Variants in SIGLEC5 observed in about 807,000 individuals in gnomAD.
The protein encoded by SIGLEC5 is sialic acid binding Ig like lectin 5, also known as sialic acid-binding Ig-like lectin 5.
A neutral mutation model predicts 45.9 loss-of-function variants in SIGLEC5; 34 were observed. The observed-to-expected ratio is 0.74, with a 90% CI of 0.56 to 0.99. SIGLEC5 has a LOEUF of 0.99. Ranked by LOEUF, SIGLEC5 falls within the 50% of genes least tolerant of loss-of-function variation. The pLI, the probability that SIGLEC5 is intolerant of heterozygous loss-of-function variation, is 0.00. For missense variants in SIGLEC5, 508 were observed against 629.6 expected (o/e 0.81, Z 2.07); for synonymous variants, 203 against 258.6 (o/e 0.79, Z 2.06).
intron 4 of SIGLEC5, among the ~76,000 whole-genome samples, chr19:51,628,750 A>ATG (rs1005999103): frequency 2.3e-5 from 3 of 129,714 alleles, no homozygotes; most frequent in Admixed American, 8.2e-5. Flanking sequence ...GCCTGTGTGC[A>ATG]TGTGTGTGTG....
chr19:51,614,512 G>C (rs1029130603), intron 8 of SIGLEC5, among the ~76,000 whole-genome samples: 1 of 152,098 alleles, frequency 6.6e-6, no homozygotes, highest in Non-Finnish European at 1.5e-5. Context: ...TTTCTGGAGA[G>C]AGCTGCTTAT....
At chr19:51,619,398 T>C (rs1957304150) in intron 8 of SIGLEC5, among the ~76,000 whole-genome samples, 1 of 152,154 alleles carries the variant, frequency 6.6e-6, no homozygotes. Flanking sequence ...ACATTATTCT[T>C]AAGCACACAG....
chr19:51,613,822 G>A (rs545384908), intron 8 of SIGLEC5, among the ~76,000 whole-genome samples: 11 of 152,072 alleles, frequency 7.2e-5, no homozygotes, highest in Admixed American at 7.2e-4. Flanking sequence ...TGTCTCCCCT[G>A]TTTCAGGTTC....
At chr19:51,618,660 C>T (rs1053890837) in intron 8 of SIGLEC5, among the ~76,000 whole-genome samples, 3 of 150,978 alleles carry the variant, frequency 2.0e-5, no homozygotes, top group Non-Finnish European at 3.0e-5. Context: ...GGCATGGTGG[C>T]GGGCACCTGT....
chr19:51,626,363 G>A (rs1983482465), intron 7 of SIGLEC5, among the ~76,000 whole-genome samples: 1 of 152,138 alleles, frequency 6.6e-6, no homozygotes, highest in South Asian at 2.1e-4. Flanking sequence ...GGCAGGAATG[G>A]TCATAGCAGT....
rs947363132 is a variant in SIGLEC5 at position 51,626,020 on chromosome 19, C to T, written c.1464+12G>A. 5 of 1,611,298 alleles carry T rather than the reference C, an allele frequency of 3.1e-6. 1 individual carries two copies. The Admixed American group carries it at 6.7e-5, about 21-fold the overall frequency. On this transcript the variant is annotated intron_variant, in intron 8 of 8. Coordinates refer to ENST00000683636, the MANE Select transcript of SIGLEC5 (RefSeq NM_003830.4). The stretch of plus-strand genomic sequence containing the variant: ...GTGGACATGCACATGAGAAGATCCC[C>T]AAACCACTCACCGAGGTGATGGTAC...
Position 51,627,520 on chromosome 19 carries a change from G to T in SIGLEC5, c.1224C>A (p.Val408=). 1 of 1,614,096 alleles carries T rather than the reference G, an allele frequency of 6.2e-7. No individual in the cohort carries two copies. The highest frequency in any genetic ancestry group is 8.5e-7 in the Non-Finnish European group (1 of 1,180,030). The change falls in exon 6 of 9, where the codon GTC becomes GTA. Residue 408 remains valine, a synonymous_variant. Coordinates refer to ENST00000683636, the MANE Select transcript of SIGLEC5 (RefSeq NM_003830.4). ...CATAGATGTTCCAGGCCTTGCAGCT[G>T]ACTTTGAGGTCGGAGCTGAGCCCCC... ...LHGGLSSDLK[V]SCKAWNIYGS...
rs547374162 is a variant in SIGLEC5, at chr19:51,629,320, G to A, written c.700+38C>T. ...CACACACACACCCCTCACTCCCACT[G>A]CCCTTGAGGACTCAGCTGTGTCCCC... On this transcript the variant is annotated intron_variant, in intron 3 of 8. Coordinates refer to ENST00000683636, the MANE Select transcript of SIGLEC5 (RefSeq NM_003830.4). 16 of 1,593,578 alleles carry A rather than the reference G, an allele frequency of 1.0e-5. No individual in the cohort carries two copies. The East Asian group carries it at 3.0e-4, about 30-fold the overall frequency.
At position 51,612,118 on chromosome 19, in the gene SIGLEC5, A is replaced by C; in HGVS notation, c.*113T>G. 1 of 387,462 alleles carries C rather than the reference A, an allele frequency of 2.6e-6. No individual in the cohort carries two copies. The highest frequency in any genetic ancestry group is 5.1e-5 in the East Asian group (1 of 19,494). The allele number at this position is 387,462 out of a possible 1,614,324, so 24.0% of individuals were successfully genotyped here. ...TGCTTGGAGCACTTAAACATCAGTTAATGTTAACATTGCCACAAGGGCTCT... is the reference window on the plus strand; with the variant it reads ...TGCTTGGAGCACTTAAACATCAGTTCATGTTAACATTGCCACAAGGGCTCT... On this transcript the variant is annotated 3_prime_UTR_variant, in exon 9 of 9. Coordinates refer to ENST00000683636, the MANE Select transcript of SIGLEC5 (RefSeq NM_003830.4).
At chr19:51,616,355 G>C (rs1600099134) in intron 8 of SIGLEC5, among the ~76,000 whole-genome samples, 1 of 152,292 alleles carries the variant, frequency 6.6e-6, no homozygotes, top group Non-Finnish European at 1.5e-5. Flanking sequence ...AAGAAACTTT[G>C]TCAATAACAA....
At chr19:51,613,679 A>C (rs534870190) in intron 8 of SIGLEC5, among the ~76,000 whole-genome samples, 121 of 152,286 alleles carry the variant, frequency 7.9e-4, no homozygotes, top group Admixed American at 1.2e-3. Flanking sequence ...CCAAAAAAAA[A>C]CCCACAACAG....
In SIGLEC5 at chr19:51,611,664, GATTGCAGGTAAAAGT is replaced by G. The variant is rs1982855858; in HGVS notation, c.*552_*566del. On this transcript the variant is annotated 3_prime_UTR_variant, in exon 9 of 9. Coordinates refer to ENST00000683636, the MANE Select transcript of SIGLEC5 (RefSeq NM_003830.4). ...TGGAGCCAAAGGAATATGATGCAAG[GATTGCAGGTAAAAGT>G]GGGCAAAGATATGACTCTGGCAAGG... Among the ~76,000 whole-genome samples the G allele has an allele frequency of 6.6e-6, 1 of 152,186 alleles. No individual in the cohort carries two copies. The highest frequency in any genetic ancestry group is 2.4e-5 in the African/African-American group (1 of 41,426).
chr19:51,611,046 T>G lies in SIGLEC5; in HGVS notation c.*1185A>C, dbSNP rs1982833668. On this transcript the variant is annotated 3_prime_UTR_variant, in exon 9 of 9. Coordinates refer to ENST00000683636, the MANE Select transcript of SIGLEC5 (RefSeq NM_003830.4). ...TCATAACCAAAACAGTAGTCACAAT[T>G]CACCTTCTTTACAGTGATGAAAATG... Among the ~76,000 whole-genome samples, 1 of 152,226 alleles carries G rather than the reference T, an allele frequency of 6.6e-6. No homozygotes were observed.
At chr19:51,628,464 G>T (rs1363493184) in intron 4 of SIGLEC5, among the ~76,000 whole-genome samples, 1 of 152,180 alleles carries the variant, frequency 6.6e-6, no homozygotes, top group Non-Finnish European at 1.5e-5. Context: ...GATGAGAGGG[G>T]CATGGAGTGG....
Position 51,627,200 on chromosome 19 carries a change from G to A in SIGLEC5, c.1331C>T (p.Ala444Val), listed in dbSNP as rs894879461. The A allele has an allele frequency of 3.1e-6, 5 of 1,614,118 alleles. No homozygotes were observed. The highest frequency in any genetic ancestry group is 1.1e-5 in the South Asian group (1 of 91,084). The change falls in exon 7 of 9, where the codon GCT becomes GTT. Residue 444 changes from alanine (A) to valine (V), a missense_variant. Ala to Val is a moderately conservative substitution (Grantham distance 64). Around this residue, in one of 2 missense-constraint regions of SIGLEC5, gnomAD observed 431 missense variants for 428.8 expected, o/e 1.01. Transcript: ENST00000683636. ...TGVVPAALGGAGVMALLCICL... is the reference protein window; with the variant it reads ...TGVVPAALGGVGVMALLCICL... ...GATACAGAGCAGGGCCATGACACCAGCACCACCAAGGGCTGCAGGAACCAC... is the reference window on the plus strand; with the variant it reads ...GATACAGAGCAGGGCCATGACACCAACACCACCAAGGGCTGCAGGAACCAC...
chr19:51,617,591 A>G (rs927420734), intron 8 of SIGLEC5, among the ~76,000 whole-genome samples: 1 of 152,202 alleles, frequency 6.6e-6, no homozygotes, highest in African/African-American at 2.4e-5. Flanking sequence ...TTTAGAATGT[A>G]TATCCTGCCA....
chr19:51,620,877 AG>A (rs1489585681), intron 8 of SIGLEC5, among the ~76,000 whole-genome samples: 4 of 152,138 alleles, frequency 2.6e-5, no homozygotes, highest in Non-Finnish European at 5.9e-5. Context: ...GTAGAGATGG[AG>A]GGCTCACTGT....
chr19:51,617,373 A>T (rs1318908269), intron 8 of SIGLEC5, among the ~76,000 whole-genome samples: 1 of 152,144 alleles, frequency 6.6e-6, no homozygotes, highest in Non-Finnish European at 1.5e-5. Flanking sequence ...GCAAGAAAAA[A>T]GATGCAGGGA....
At chr19:51,620,929 C>T (rs952114904) in intron 8 of SIGLEC5, among the ~76,000 whole-genome samples, 1 of 152,142 alleles carries the variant, frequency 6.6e-6, no homozygotes, top group Non-Finnish European at 1.5e-5. Flanking sequence ...AAGAGATCCT[C>T]CTGCCTCAGC....
Sources: allele counts gnomAD v4.1 joint callset (sites outside exome capture counted in the v4.1 genomes callset), GRCh38; gene constraint gnomAD v4.1.1; regional missense constraint gnomAD v4.1.1; transcripts MANE v1.5; gene names NCBI Gene and HGNC (gene_info 2026-07-23, HGNC 2026-07-21).